Variants in CHRNA7 observed in about 807,000 individuals in gnomAD.
CHRNA7 encodes cholinergic receptor nicotinic alpha 7 subunit.
CHRNA7 carries 17 observed loss-of-function variants against 48.0 expected under a neutral mutation model. The ratio of observed to expected loss-of-function variants is 0.35; its 90% CI spans 0.24 to 0.53. The LOEUF is 0.53. Among genes scored for constraint, CHRNA7 ranks in the 20% least tolerant of loss-of-function variants. The pLI is 0.92. For synonymous variants in CHRNA7, 75 were observed against 242.3 expected (o/e 0.31, Z 6.41); for missense variants, 155 against 577.7 (o/e 0.27, Z 7.50).
chr15:32,135,765 CAT>C (rs1285326418), intron 4 of CHRNA7, among the ~76,000 whole-genome samples: 3 of 152,006 alleles, frequency 2.0e-5, no homozygotes, highest in Non-Finnish European at 4.4e-5. Flanking sequence ...GAGCCCAAGA[CAT>C]ATTGTGCAAA....
chr15:32,092,667 A>G (rs1378264245), intron 2 of CHRNA7, among the ~76,000 whole-genome samples: 2 of 152,208 alleles, frequency 1.3e-5, no homozygotes, highest in Admixed American at 1.3e-4. Flanking sequence ...TCTTAAGCCA[A>G]TTAACCTATA....
intron 2 of CHRNA7, among the ~76,000 whole-genome samples, chr15:32,043,667 T>C (rs2049486569): frequency 6.6e-6 from 1 of 152,178 alleles, no homozygotes; most frequent in South Asian, 2.1e-4. Context: ...TCTACTGTTA[T>C]TGTCATATAT....
intron 4 of CHRNA7, among the ~76,000 whole-genome samples, chr15:32,132,962 G>A (rs1258205518): frequency 2.6e-5 from 4 of 152,228 alleles, no homozygotes; most frequent in Non-Finnish European, 2.9e-5. Flanking sequence ...AAATCAGCCT[G>A]ATCATTTTTC....
At chr15:32,135,077 A>G (rs2051228844) in intron 4 of CHRNA7, among the ~76,000 whole-genome samples, 1 of 152,234 alleles carries the variant, frequency 6.6e-6, no homozygotes. Flanking sequence ...CAGCTGGAGC[A>G]CACTGTGGCC....
rs2051582044 is a variant in CHRNA7, at chr15:32,149,755, GGTAAGC to G, written c.351-4151_351-4146del. Among the ~76,000 whole-genome samples, 3 of 152,034 alleles carry G rather than the reference GGTAAGC, an allele frequency of 2.0e-5. No individual in the cohort carries two copies. The highest frequency in any genetic ancestry group is 2.9e-5 in the Non-Finnish European group (2 of 68,004). ...CTGAGTCACAAATCACTGAGTCACAGGTAAGCTGTTGCTAATAGCAACAGTTTTTTT... is the reference window on the plus strand; with the variant it reads ...CTGAGTCACAAATCACTGAGTCACAGTGTTGCTAATAGCAACAGTTTTTTT... On this transcript the variant is annotated intron_variant, in intron 4 of 9. Transcript: ENST00000306901. This position sits in a 1 kb window ranked among gnomAD's most constrained non-coding sequence, Gnocchi z 4.6.
At position 32,096,502 on chromosome 15, in the gene CHRNA7, G is replaced by A. The variant is rs113141450; in HGVS notation, c.196-4801G>A. Reference sequence around the variant, plus strand: ...ATTAAATTAGATAAAAGAAGTCACCGTTTATAAACTTTAGACTGCTACACA... The same window carrying A: ...ATTAAATTAGATAAAAGAAGTCACCATTTATAAACTTTAGACTGCTACACA... On this transcript the variant is annotated intron_variant, in intron 2 of 9. Coordinates refer to ENST00000306901, the MANE Select transcript of CHRNA7 (RefSeq NM_000746.6). Among the ~76,000 whole-genome samples the A allele has an allele frequency of 2.4e-4, 36 of 152,174 alleles. No homozygotes were observed. The South Asian group carries it at 3.3e-3, about 14-fold the overall frequency.
At chr15:32,046,316 G>C (rs9744280) in intron 2 of CHRNA7, among the ~76,000 whole-genome samples, 26,564 of 127,072 alleles carry the variant, frequency 0.21, 4,032 homozygotes, top group East Asian at 0.51. Context: ...TTCTCCACAT[G>C]CTCTCCAGCA....
chr15:32,033,252 A>G (rs1901930763), intron 2 of CHRNA7, among the ~76,000 whole-genome samples: 1 of 152,218 alleles, frequency 6.6e-6, no homozygotes, highest in Non-Finnish European at 1.5e-5. Flanking sequence ...AATGAGAATA[A>G]TAATACCTGC....
At chr15:32,090,953 T>G (rs2050373077) in intron 2 of CHRNA7, among the ~76,000 whole-genome samples, 1 of 152,220 alleles carries the variant, frequency 6.6e-6, no homozygotes. Context: ...ACATTTTAGG[T>G]CATTTTGTTG....
At position 32,149,422 on chromosome 15, in the gene CHRNA7, C is replaced by T. The variant is rs2051572220; in HGVS notation, c.351-4485C>T. ...GAGGTCCTCATAGGGGTTCTGGCCA[C>T]TCACATTTCCGAGGTTCTTCATTTC... On this transcript the variant is annotated intron_variant, in intron 4 of 9. Transcript: ENST00000306901. This position sits in a 1 kb window ranked among gnomAD's most constrained non-coding sequence, Gnocchi z 4.6. 6.6e-6 allele frequency among the ~76,000 whole-genome samples: 1 copy of T among 152,176 alleles called. No individual in the cohort carries two copies. Among genetic ancestry groups the T allele is most frequent in the Non-Finnish European group, 1.5e-5 (1 of 68,024 alleles).
At chr15:32,107,031 G>C (rs2050681480) in intron 3 of CHRNA7, among the ~76,000 whole-genome samples, 1 of 152,144 alleles carries the variant, frequency 6.6e-6, no homozygotes, top group South Asian at 2.1e-4. Flanking sequence ...GTCTCACCAA[G>C]AGAAGAAAGC....
At chr15:32,142,807 G>A (rs1043704634) in intron 4 of CHRNA7, among the ~76,000 whole-genome samples, 2 of 151,712 alleles carry the variant, frequency 1.3e-5, no homozygotes, top group Admixed American at 6.6e-5. Context: ...ATTTTTCTCT[G>A]TTTTCTTCTT....
At chr15:32,107,440 T>A (rs2050689282) in intron 3 of CHRNA7, among the ~76,000 whole-genome samples, 1 of 149,996 alleles carries the variant, frequency 6.7e-6, no homozygotes, top group Non-Finnish European at 1.5e-5. Context: ...ATATACAAAC[T>A]TATTTAATAT....
intron 2 of CHRNA7, among the ~76,000 whole-genome samples, chr15:32,097,185 A>G (rs1349846687): frequency 6.6e-6 from 1 of 152,078 alleles, no homozygotes; most frequent in East Asian, 1.9e-4. Context: ...GGGAGCCCCC[A>G]GGGTCTTTTG....
chr15:32,062,914 A>G (rs1179498631), intron 2 of CHRNA7, among the ~76,000 whole-genome samples: 2 of 152,198 alleles, frequency 1.3e-5, no homozygotes, highest in Non-Finnish European at 2.9e-5. Flanking sequence ...ATAGCATACT[A>G]CACACTTAGG....
chr15:32,034,080 C>G (rs1371613954), intron 2 of CHRNA7, among the ~76,000 whole-genome samples: 1 of 152,084 alleles, frequency 6.6e-6, no homozygotes, highest in Non-Finnish European at 1.5e-5. Context: ...AAAAGTAAAT[C>G]CAAAATTACA....
At chr15:32,055,775 C>G (rs570857918) in intron 2 of CHRNA7, among the ~76,000 whole-genome samples, 1 of 152,144 alleles carries the variant, frequency 6.6e-6, no homozygotes, top group South Asian at 2.1e-4. Flanking sequence ...GTCAGGAGAT[C>G]GAGACCATCC....
chr15:32,154,837 A>G (rs1278156577), intron 5 of CHRNA7, among the ~76,000 whole-genome samples: 1 of 124,568 alleles, frequency 8.0e-6, no homozygotes, highest in Non-Finnish European at 1.6e-5. Flanking sequence ...CCACTCACAC[A>G]TACCACACAC....
At chr15:32,129,116 A>T (rs1399590403) in intron 4 of CHRNA7, among the ~76,000 whole-genome samples, 1 of 151,966 alleles carries the variant, frequency 6.6e-6, no homozygotes, top group Non-Finnish European at 1.5e-5. Flanking sequence ...CTACTTGGTC[A>T]TGTGTGTAAT....
Sources: allele counts gnomAD v4.1 joint callset (sites outside exome capture counted in the v4.1 genomes callset), GRCh38; gene constraint gnomAD v4.1.1; non-coding constraint Gnocchi (gnomAD v3.1); transcripts MANE v1.5; gene names NCBI Gene and HGNC (gene_info 2026-07-23, HGNC 2026-07-21).